Variants in RAI1 observed in about 807,000 individuals in gnomAD.
RAI1 encodes the protein retinoic acid induced 1, also known as retinoic acid-induced protein 1.
Under a neutral mutation model 123.8 loss-of-function variants are expected in RAI1, and 9 were observed. The observed-to-expected ratio is 0.07, with a 90% CI of 0.04 to 0.13. The LOEUF is 0.13. RAI1 is among the 10% of genes least tolerant of loss of function. The probability of loss-of-function intolerance (pLI) is 1.00; values close to 1 mark genes in which losing one functional copy is unlikely to be tolerated. For missense variants in RAI1, 2,256 were observed against 2,545.8 expected, an observed-to-expected ratio of 0.89 and a Z score of 2.45; for synonymous variants, 1,231 against 1,127.3, an observed-to-expected ratio of 1.09 and a Z score of -1.84.
At chr17:17,782,888 G>A (rs2031649469) in intron 2 of RAI1, among the ~76,000 whole-genome samples, 1 of 152,206 alleles carries the variant, frequency 6.6e-6, no homozygotes, top group African/African-American at 2.4e-5. Flanking sequence ...CGAGGCGTGG[G>A]GAGGGAGCTG....
chr17:17,801,967 T>C lies in RAI1; in HGVS notation c.5566-1789T>C, dbSNP rs1321633960. 2.3e-6 allele frequency: 1 copy of C among 434,846 alleles called. No homozygotes were observed. Among genetic ancestry groups the C allele is most frequent in the Non-Finnish European group, 4.7e-6 (1 of 212,880 alleles). 26.9% of individuals were successfully genotyped at this position (434,846 alleles called of 1,614,324 possible). ...CACATAGGAAGCTATTGTCGTTTGTTTCACTGGCTTCGCACTTGGGCAGAG... is the reference window on the plus strand; with the variant it reads ...CACATAGGAAGCTATTGTCGTTTGTCTCACTGGCTTCGCACTTGGGCAGAG... On this transcript the variant is annotated intron_variant, in intron 3 of 5. Transcript: ENST00000353383. The surrounding 1 kb of genome is among the most constrained non-coding windows in gnomAD (Gnocchi z 4.1).
chr17:17,713,514 G>A (rs1598028869), intron 1 of RAI1, among the ~76,000 whole-genome samples: 1 of 152,130 alleles, frequency 6.6e-6, no homozygotes, highest in South Asian at 2.1e-4. Flanking sequence ...GGTGATACAC[G>A]CCTGTAGTCC....
In RAI1 at chr17:17,795,005, T is replaced by C. The variant is rs1567919669; in HGVS notation, c.2057T>C (p.Leu686Pro). The change falls in exon 3 of 6, where the codon CTG becomes CCG. Residue 686 changes from leucine (L) to proline (P), a missense_variant. Physicochemically the swap from Leu to Pro is moderately conservative, Grantham distance 98. Transcript: ENST00000353383. This position sits in a 1 kb window ranked among gnomAD's most constrained non-coding sequence, Gnocchi z 5.9. ...AATGCCAAGGACTTCAGCCCAGGGCTGTTTGAAGACCCTTCCGTGGCCTTC... is the reference window on the plus strand; with the variant it reads ...AATGCCAAGGACTTCAGCCCAGGGCCGTTTGAAGACCCTTCCGTGGCCTTC... The part of the protein sequence containing the change: ...GGNAKDFSPG[L>P]FEDPSVAFAT... The C allele has an allele frequency of 1.2e-6, 2 of 1,614,078 alleles. No individual in the cohort carries two copies. The highest frequency in any genetic ancestry group is 1.7e-6 in the Non-Finnish European group (2 of 1,180,044).
chr17:17,776,530 C>T (rs2031348189), intron 2 of RAI1, among the ~76,000 whole-genome samples: 1 of 152,018 alleles, frequency 6.6e-6, no homozygotes, highest in African/African-American at 2.4e-5. Flanking sequence ...ATCACCATGC[C>T]CAGTTAATTT....
chr17:17,803,137 C>T (rs73297822), intron 3 of RAI1, among the ~76,000 whole-genome samples: 3,711 of 150,888 alleles, frequency 0.025, 164 homozygotes, highest in African/African-American at 0.085. Context: ...ACACACACCA[C>T]GCCCAGCACA....
At chr17:17,701,264 A>G (rs1598020783) in intron 1 of RAI1, among the ~76,000 whole-genome samples, 1 of 152,148 alleles carries the variant, frequency 6.6e-6, no homozygotes, top group Non-Finnish European at 1.5e-5. Flanking sequence ...TGCCCCTGCC[A>G]TCTCCCTGGG....
chr17:17,782,745 C>T (rs2031641800), intron 2 of RAI1, among the ~76,000 whole-genome samples: 1 of 151,874 alleles, frequency 6.6e-6, no homozygotes, highest in South Asian at 2.1e-4. Context: ...GGCCTGGGGC[C>T]CGGCGAGCCG....
chr17:17,713,155 CA>C lies in RAI1; in HGVS notation c.-148-10863del, dbSNP rs200060774. 4.0e-4 allele frequency among the ~76,000 whole-genome samples: 61 copies of C among 150,752 alleles called. 1 individual carries two copies. The highest frequency in any genetic ancestry group is 2.4e-4 in the African/African-American group (10 of 41,122). On this transcript the variant is annotated intron_variant, in intron 1 of 5. Transcript: ENST00000353383. ...ATTTTATAGTGAGTGAATTATACCT[CA>C]AAAAAAAAATTTTTTTTAAGGCATG...
At chr17:17,703,548 G>C (rs912939596) in intron 1 of RAI1, among the ~76,000 whole-genome samples, 6 of 152,168 alleles carry the variant, frequency 3.9e-5, no homozygotes, top group African/African-American at 1.2e-4. Context: ...TGGGGCTCAG[G>C]GGGAGGGGGC....
chr17:17,781,118 C>T (rs2031563230), intron 2 of RAI1, among the ~76,000 whole-genome samples: 1 of 152,176 alleles, frequency 6.6e-6, no homozygotes, highest in Admixed American at 6.5e-5. Flanking sequence ...CTAGCTAAAC[C>T]ACAGAGAGAA....
chr17:17,777,169 C>T (rs983679108), intron 2 of RAI1: 3 of 152,168 alleles, frequency 2.0e-5, no homozygotes, highest in African/African-American at 4.8e-5. Flanking sequence ...CAGATGACTT[C>T]GGGCCCAGGT....
intron 2 of RAI1, among the ~76,000 whole-genome samples, chr17:17,788,177 C>T (rs966134386): frequency 8.5e-5 from 13 of 152,088 alleles, no homozygotes; most frequent in Admixed American, 4.6e-4. Context: ...CAAGCGTTGC[C>T]CACAGGGAGT....
At chr17:17,747,662 T>C (rs1026660612) in intron 2 of RAI1, among the ~76,000 whole-genome samples, 1 of 152,156 alleles carries the variant, frequency 6.6e-6, no homozygotes, top group African/African-American at 2.4e-5. Context: ...GGGTTGGAGC[T>C]GCCCTCTTGT....
intron 1 of RAI1, among the ~76,000 whole-genome samples, chr17:17,719,844 T>C (rs1278445522): frequency 1.3e-5 from 2 of 152,164 alleles, no homozygotes; most frequent in Non-Finnish European, 2.9e-5. Context: ...GGCTGACTGA[T>C]GGGGCGGGGG....
intron 2 of RAI1, among the ~76,000 whole-genome samples, chr17:17,760,759 C>T (rs2030659157): frequency 6.6e-6 from 1 of 152,186 alleles, no homozygotes; most frequent in Non-Finnish European, 1.5e-5. Flanking sequence ...CTTAGGGCCA[C>T]ACTGCAGAAA....
chr17:17,784,030 T>G (rs2031728264), intron 2 of RAI1, among the ~76,000 whole-genome samples: 1 of 152,114 alleles, frequency 6.6e-6, no homozygotes, highest in Non-Finnish European at 1.5e-5. Flanking sequence ...CCTCTTTTTC[T>G]CTCTCCTTAA....
chr17:17,802,637 G>A (rs921601257), intron 3 of RAI1, among the ~76,000 whole-genome samples: 8 of 152,222 alleles, frequency 5.3e-5, no homozygotes, highest in African/African-American at 1.4e-4. Flanking sequence ...TTAGCCTGGC[G>A]TGGTGGCGGG....
intron 2 of RAI1, among the ~76,000 whole-genome samples, chr17:17,744,526 C>A (rs577196951): frequency 6.6e-6 from 1 of 152,230 alleles, no homozygotes; most frequent in Non-Finnish European, 1.5e-5. Context: ...CGGTGGGTGG[C>A]TCACGCCTGT....
chr17:17,746,784 C>T (rs1325857802), intron 2 of RAI1, among the ~76,000 whole-genome samples: 1 of 151,776 alleles, frequency 6.6e-6, no homozygotes, highest in Non-Finnish European at 1.5e-5. Flanking sequence ...TACAGGCATG[C>T]ACCACCACGC....
Sources: gnomAD v4.1 joint callset for allele counts (sites outside exome capture counted in the v4.1 genomes callset) on GRCh38, gnomAD v4.1.1 for gene constraint, Gnocchi (gnomAD v3.1) non-coding constraint, MANE v1.5 for transcripts, NCBI Gene and HGNC (gene_info 2026-07-23, HGNC 2026-07-21) for gene names.